Variants in SLC45A2 observed in about 807,000 individuals in gnomAD.
The protein encoded by SLC45A2 is membrane-associated transporter protein.
SLC45A2 carries 36 observed loss-of-function variants against 45.5 expected under a neutral mutation model. The ratio of observed to expected loss-of-function variants is 0.79; its 90% CI spans 0.61 to 1.04. SLC45A2 has a LOEUF of 1.04. SLC45A2 is among the 50% of genes least tolerant of loss of function. SLC45A2 has a pLI of 0.00. For synonymous variants in SLC45A2, 306 were observed against 269.3 expected (o/e 1.14, Z -1.33); for missense variants, 719 against 671.0 (o/e 1.07, Z -0.79).
chr5:33,978,415 C>T (rs1752988879), intron 2 of SLC45A2, among the ~76,000 whole-genome samples: 1 of 152,044 alleles, frequency 6.6e-6, no homozygotes, highest in Non-Finnish European at 1.5e-5. Context: ...GAACCTCCTT[C>T]CCTTACCAGT....
At chr5:33,981,655 C>G (rs921854901) in intron 2 of SLC45A2, among the ~76,000 whole-genome samples, 5 of 152,236 alleles carry the variant, frequency 3.3e-5, no homozygotes, top group African/African-American at 1.2e-4. Flanking sequence ...CCATTTTCCT[C>G]CTGGCATGAA....
At chr5:33,952,284 C>G (rs768877724) in intron 4 of SLC45A2, among the ~76,000 whole-genome samples, 1 of 152,044 alleles carries the variant, frequency 6.6e-6, no homozygotes, top group South Asian at 2.1e-4. Context: ...ATCCACCATG[C>G]CCGGCCTGAA....
chr5:33,952,734 G>C (rs1426818014), intron 4 of SLC45A2, among the ~76,000 whole-genome samples: 50 of 123,276 alleles, frequency 4.1e-4, no homozygotes, highest in South Asian at 8.3e-4. Flanking sequence ...GGGTACATGT[G>C]CACATTGTGC....
At position 33,947,160 on chromosome 5, in the gene SLC45A2, C is replaced by T. The variant is rs757548370; in HGVS notation, c.1368+3G>A. ...CCAAGGCAGAGGTTCAATGACAGCA[C>T]ACCTCCTTTTCTTCCTCGCGGTGGT... On this transcript the variant is annotated splice_donor_region_variant and intron_variant, in intron 6 of 6. Coordinates refer to ENST00000296589, the MANE Select transcript of SLC45A2 (RefSeq NM_016180.5). 5.0e-6 allele frequency: 8 copies of T among 1,614,056 alleles called. No individual in the cohort carries two copies. The highest frequency in any genetic ancestry group is 4.0e-5 in the African/African-American group (3 of 74,940).
chr5:33,959,330 C>T (rs187719339), intron 3 of SLC45A2, among the ~76,000 whole-genome samples: 18 of 152,184 alleles, frequency 1.2e-4, no homozygotes, highest in African/African-American at 1.4e-4. Context: ...ATAGATATTC[C>T]GTGATTCTTT....
At chr5:33,960,278 C>CATAT (rs10565330) in intron 3 of SLC45A2, among the ~76,000 whole-genome samples, 2 of 147,346 alleles carry the variant, frequency 1.4e-5, no homozygotes, top group African/African-American at 2.5e-5. Context: ...ATTCATCTGA[C>CATAT]ATATATATAT....
At chr5:33,975,122 C>T (rs1204774138) in intron 2 of SLC45A2, among the ~76,000 whole-genome samples, 1 of 151,822 alleles carries the variant, frequency 6.6e-6, no homozygotes, top group Non-Finnish European at 1.5e-5. Context: ...ATCCACACAA[C>T]CTCTGCTGCT....
At position 33,963,958 on chromosome 5, in the gene SLC45A2, C is replaced by T. The variant is rs374876596; in HGVS notation, c.621G>A (p.Leu207=). Residue 207 remains leucine, a synonymous_variant, in exon 3 of 7, where the codon CTG becomes CTA. Transcript: ENST00000296589. ...GGAATTCTGTACCCAACAGTCTTCC[C>T]AGCTCCAGATGGGCCCAGTCTATAG... The part of the protein sequence containing the change: ...LGAIDWAHLE[L]GRLLGTEFQV... 1 of 1,614,122 alleles carries T rather than the reference C, an allele frequency of 6.2e-7. No individual in the cohort carries two copies.
intron 2 of SLC45A2, among the ~76,000 whole-genome samples, chr5:33,979,526 G>A (rs1753015091): frequency 6.6e-6 from 1 of 152,238 alleles, no homozygotes; most frequent in Admixed American, 6.5e-5. Context: ...AGAGTGAGGA[G>A]TACAGAAGGT....
At chr5:33,983,103 G>A (rs1753129947) in intron 1 of SLC45A2, among the ~76,000 whole-genome samples, 1 of 152,192 alleles carries the variant, frequency 6.6e-6, no homozygotes, top group East Asian at 1.9e-4. Flanking sequence ...ATCTCTAACG[G>A]TCTCTGCTGA....
At chr5:33,955,146 G>A (rs1228092258) in intron 3 of SLC45A2, among the ~76,000 whole-genome samples, 1 of 152,168 alleles carries the variant, frequency 6.6e-6, no homozygotes, top group Non-Finnish European at 1.5e-5. Context: ...CACAAGAAAT[G>A]TCTGCTTTGA....
At position 33,951,620 on chromosome 5, in the gene SLC45A2, C is replaced by T. The variant is rs201140684; in HGVS notation, c.1090G>A (p.Glu364Lys). 3.2e-5 allele frequency: 52 copies of T among 1,614,072 alleles called. No homozygotes were observed. Among genetic ancestry groups the T allele is most frequent in the East Asian group, 2.5e-4 (11 of 44,896 alleles). The change falls in exon 5 of 7, where the codon GAA becomes AAA. Residue 364 changes from glutamate (E) to lysine (K), a missense_variant. Coordinates refer to ENST00000296589, the MANE Select transcript of SLC45A2 (RefSeq NM_016180.5). ...CAACATCCAACCTCGACTCCTCTTT[C>T]GTAGATGAGAAACTCTGTGGAGTTG... ...AHNSTEFLIY[E>K]RGVEVGCWGL...
At chr5:33,980,523 A>C (rs958568117) in intron 2 of SLC45A2, among the ~76,000 whole-genome samples, 2 of 152,228 alleles carry the variant, frequency 1.3e-5, no homozygotes, top group African/African-American at 4.8e-5. Flanking sequence ...ATGTAAGAGA[A>C]AATACCTAAT....
chr5:33,966,427 C>CTTTTTT (rs367752652), intron 2 of SLC45A2, among the ~76,000 whole-genome samples: 48 of 95,144 alleles, frequency 5.0e-4, no homozygotes, highest in East Asian at 1.8e-3. Context: ...AAGCTACTTT[C>CTTTTTT]TTTTTTTTTT....
chr5:33,982,752 G>T (rs900068582), intron 1 of SLC45A2, among the ~76,000 whole-genome samples: 4 of 152,090 alleles, frequency 2.6e-5, no homozygotes, highest in African/African-American at 9.7e-5. Context: ...ACATACTAAA[G>T]GCACTGAATT....
intron 2 of SLC45A2, among the ~76,000 whole-genome samples, chr5:33,979,621 C>A (rs536984074): frequency 2.0e-5 from 3 of 152,244 alleles, no homozygotes; most frequent in African/African-American, 4.8e-5. Flanking sequence ...ACTTCTATTT[C>A]TTTCAGGGCC....
At chr5:33,976,583 G>T (rs1023942085) in intron 2 of SLC45A2, among the ~76,000 whole-genome samples, 1 of 152,180 alleles carries the variant, frequency 6.6e-6, no homozygotes, top group East Asian at 1.9e-4. Flanking sequence ...TGGGGTGGAG[G>T]TTGGAGGGGT....
intron 2 of SLC45A2, among the ~76,000 whole-genome samples, chr5:33,976,959 C>T (rs200770081): frequency 4.0e-5 from 6 of 151,656 alleles, no homozygotes; most frequent in Admixed American, 2.6e-4. Flanking sequence ...CCTGTACTCC[C>T]GATTCCTGTG....
chr5:33,982,150 C>T (rs1753095451), intron 2 of SLC45A2, 86 bp downstream of exon 2: 1 of 1,502,488 alleles, frequency 6.7e-7, no homozygotes, highest in Non-Finnish European at 9.2e-7. Flanking sequence ...TCAAAAAACT[C>T]CACGTGTAGA....
Sources: allele counts gnomAD v4.1 joint callset (sites outside exome capture counted in the v4.1 genomes callset), GRCh38; gene constraint gnomAD v4.1.1; transcripts MANE v1.5; gene names NCBI Gene and HGNC (gene_info 2026-07-23, HGNC 2026-07-21).